The following PCDHGB7 variants were observed in gnomAD, a reference collection of about 807,000 sequenced individuals.
The protein encoded by PCDHGB7 is protocadherin gamma subfamily B, 7.
Under a neutral mutation model 61.4 loss-of-function variants are expected in PCDHGB7, and 37 were observed. That is an observed-to-expected ratio of 0.60 (90% CI 0.46 to 0.79). PCDHGB7 has a LOEUF of 0.79. PCDHGB7 is among the 30% of genes least tolerant of loss of function. The pLI, the probability that PCDHGB7 is intolerant of heterozygous loss-of-function variation, is 0.00. For synonymous variants in PCDHGB7, 464 were observed against 503.5 expected, an observed-to-expected ratio of 0.92 and a Z score of 1.05; for missense variants, 1,166 against 1,202.5, an observed-to-expected ratio of 0.97 and a Z score of 0.45.
intron 1 of PCDHGB7, chr5:141,421,488 G>C: frequency 3.1e-6 from 5 of 1,614,100 alleles, no homozygotes; most frequent in Non-Finnish European, 4.2e-6. Flanking sequence ...GCTTGATCAC[G>C]GCAGGCAGGA....
rs757681244 is a variant in PCDHGB7, at chr5:141,418,998, G to A, written c.1139G>A (p.Gly380Glu). The change falls in exon 1 of 4, where the codon GGG (glycine) becomes GAG (glutamate). Residue 380 changes from glycine to glutamate, a missense_variant. Coordinates refer to ENST00000398594, the MANE Select transcript of PCDHGB7 (RefSeq NM_018927.4). ...CGGGACCAAGACTCAGGGGAAAATGGGGAAGTCAGGTGTAGCTTAAGTAGA... is the reference window on the plus strand; with the variant it reads ...CGGGACCAAGACTCAGGGGAAAATGAGGAAGTCAGGTGTAGCTTAAGTAGA... ...KTRDQDSGEN[G>E]EVRCSLSRGV... is the part of the protein sequence containing the mutation. 4 of 1,613,940 alleles carry A rather than the reference G, an allele frequency of 2.5e-6. No homozygotes were observed. Among genetic ancestry groups the A allele is most frequent in the South Asian group, 2.2e-5 (2 of 91,074 alleles).
intron 1 of PCDHGB7, among the ~76,000 whole-genome samples, chr5:141,444,256 C>T (rs1445343718): frequency 2.1e-5 from 3 of 146,298 alleles, no homozygotes; most frequent in African/African-American, 5.1e-5. Context: ...ACTGCAACCT[C>T]CGCCTCCCAG....
At chr5:141,441,849 G>A (rs1192040398) in intron 1 of PCDHGB7, 2 of 345,448 alleles carry the variant, frequency 5.8e-6, no homozygotes, top group Non-Finnish European at 1.1e-5. Context: ...TCTTGGATAT[G>A]GTGCTGCACG....
intron 1 of PCDHGB7, among the ~76,000 whole-genome samples, chr5:141,460,365 A>G (rs887924740): frequency 6.6e-6 from 1 of 152,180 alleles, no homozygotes; most frequent in African/African-American, 2.4e-5. Context: ...TAGAAGTTTT[A>G]TAGTTTTACC....
At chr5:141,496,310 A>G (rs1446146598) in intron 2 of PCDHGB7, among the ~76,000 whole-genome samples, 1 of 152,218 alleles carries the variant, frequency 6.6e-6, no homozygotes, top group East Asian at 1.9e-4. Context: ...GCTCTGCGCC[A>G]GGCCTCCCAG....
intron 1 of PCDHGB7, chr5:141,422,637 C>T (rs980166515): frequency 8.7e-5 from 141 of 1,612,568 alleles, no homozygotes; most frequent in Non-Finnish European, 1.2e-4. Flanking sequence ...CCAGGGGTGC[C>T]TCCATCTTCT....
chr5:141,492,720 A>G (rs1161942205), intron 1 of PCDHGB7, among the ~76,000 whole-genome samples: 1 of 152,256 alleles, frequency 6.6e-6, no homozygotes, highest in East Asian at 1.9e-4. Context: ...GCAGGCGGAC[A>G]GGCAGAGCTG....
At chr5:141,478,042 G>A (rs1358652557) in intron 1 of PCDHGB7, 18 of 1,614,152 alleles carry the variant, frequency 1.1e-5, no homozygotes, top group Non-Finnish European at 1.5e-5. Flanking sequence ...CACCCAGGCA[G>A]ACTCTCACGG....
At chr5:141,467,571 A>G (rs1228156610) in intron 1 of PCDHGB7, among the ~76,000 whole-genome samples, 1 of 152,212 alleles carries the variant, frequency 6.6e-6, no homozygotes, top group South Asian at 2.1e-4. Flanking sequence ...ATGGCTATCC[A>G]GTTGTCCCAA....
chr5:141,463,574 G>A (rs942457606), intron 1 of PCDHGB7, among the ~76,000 whole-genome samples: 1 of 146,978 alleles, frequency 6.8e-6, no homozygotes, highest in Non-Finnish European at 1.5e-5. Flanking sequence ...TCAGCCTCCC[G>A]AGTAGCTGGG....
chr5:141,439,676 G>A (rs543598257), intron 1 of PCDHGB7, among the ~76,000 whole-genome samples: 27 of 152,292 alleles, frequency 1.8e-4, no homozygotes, highest in Admixed American at 1.0e-3. Flanking sequence ...GCAAATCCAA[G>A]AGCAGACCCA....
rs779307855 is a variant in PCDHGB7 at position 141,417,995 on chromosome 5, G to A, written c.136G>A (p.Val46Met). 4.6e-5 allele frequency: 74 copies of A among 1,613,786 alleles called. No homozygotes were observed. The highest frequency in any genetic ancestry group is 1.7e-4 in the Admixed American group (10 of 60,006). Residue 46 changes from valine (V) to methionine (M), a missense_variant, in exon 1 of 4, where the codon GTG becomes ATG. Coordinates refer to ENST00000398594, the MANE Select transcript of PCDHGB7 (RefSeq NM_018927.4). Reference protein sequence around the residue: ...SIPEELAKGSVVGNLAKDLGL... With the variant: ...SIPEELAKGSMVGNLAKDLGL... ...TCCGGAGGAGCTGGCCAAGGGCTCGGTGGTGGGGAACCTCGCTAAGGATCT... is the reference window on the plus strand; with the variant it reads ...TCCGGAGGAGCTGGCCAAGGGCTCGATGGTGGGGAACCTCGCTAAGGATCT...
intron 1 of PCDHGB7, among the ~76,000 whole-genome samples, chr5:141,455,749 C>A (rs2098830563): frequency 6.6e-6 from 1 of 152,086 alleles, no homozygotes; most frequent in Non-Finnish European, 1.5e-5. Context: ...AGGTTGCTGG[C>A]CTGGCTCCTA....
chr5:141,421,397 C>T, intron 1 of PCDHGB7: 1 of 1,614,030 alleles, frequency 6.2e-7, no homozygotes, highest in Non-Finnish European at 8.5e-7. Context: ...GGGCTGGAGC[C>T]CCGGGAGCTG....
intron 1 of PCDHGB7, among the ~76,000 whole-genome samples, chr5:141,439,208 C>A: frequency 6.6e-6 from 1 of 151,294 alleles, no homozygotes. Flanking sequence ...AAAAAAAATC[C>A]ATATGTGAAA....
At position 141,487,611 on chromosome 5, in the gene PCDHGB7, T is replaced by C. The variant is rs1215704705; in HGVS notation, c.2416-7196T>C. ...CCACCCTCTGATCTTCTCTATGGGCTAGAGGTGAGACCTTTGCAGGCTCAA... is the reference window on the plus strand; with the variant it reads ...CCACCCTCTGATCTTCTCTATGGGCCAGAGGTGAGACCTTTGCAGGCTCAA... On this transcript the variant is annotated intron_variant, in intron 1 of 3. Transcript: ENST00000398594. This position sits in a 1 kb window ranked among gnomAD's most constrained non-coding sequence, Gnocchi z 5.0. The C allele has an allele frequency of 1.2e-6, 2 of 1,614,206 alleles. No homozygotes were observed. The highest frequency in any genetic ancestry group is 1.7e-6 in the Non-Finnish European group (2 of 1,180,036).
intron 2 of PCDHGB7, among the ~76,000 whole-genome samples, chr5:141,504,259 G>A (rs1325093588): frequency 6.6e-6 from 1 of 152,126 alleles, no homozygotes; most frequent in Non-Finnish European, 1.5e-5. Flanking sequence ...TTATGGTTTA[G>A]TATTTTTTTA....
At chr5:141,420,537 T>C (rs1246315357) in intron 1 of PCDHGB7, 2 of 317,450 alleles carry the variant, frequency 6.3e-6, no homozygotes, top group Non-Finnish European at 1.1e-5. Context: ...GTTAAAAATA[T>C]AAAATACAGG....
intron 2 of PCDHGB7, among the ~76,000 whole-genome samples, chr5:141,499,445 C>A (rs904360147): frequency 1.3e-5 from 2 of 152,062 alleles, no homozygotes; most frequent in African/African-American, 4.8e-5. Flanking sequence ...AAAGGAAAAC[C>A]ACCCATCATT....
Sources: gnomAD v4.1 joint callset for allele counts (sites outside exome capture counted in the v4.1 genomes callset) on GRCh38, gnomAD v4.1.1 for gene constraint, Gnocchi (gnomAD v3.1) non-coding constraint, MANE v1.5 for transcripts, NCBI Gene and HGNC (gene_info 2026-07-23, HGNC 2026-07-21) for gene names.